Variants in ARHGAP31 observed in about 807,000 individuals in gnomAD.
ARHGAP31 encodes rho GTPase-activating protein 31.
In ARHGAP31, 34 loss-of-function variants were observed where a neutral mutation model predicts 113.9. That is an observed-to-expected ratio of 0.30 (90% confidence interval 0.23 to 0.40). The LOEUF is 0.40. ARHGAP31 is among the 10% of genes least tolerant of loss of function. The probability of loss-of-function intolerance (pLI) is 1.00; values close to 1 mark genes in which losing one functional copy is unlikely to be tolerated. For missense variants in ARHGAP31, 1,548 were observed against 1,767.1 expected (o/e 0.88, Z 2.22); for synonymous variants, 650 against 684.8 (o/e 0.95, Z 0.79).
chr3:119,401,453 C>T (rs754408297), intron 9 of ARHGAP31, among the ~76,000 whole-genome samples: 1 of 152,156 alleles, frequency 6.6e-6, no homozygotes, highest in Non-Finnish European at 1.5e-5. Flanking sequence ...AAACATCATC[C>T]TACCGCCTCC....
At chr3:119,311,729 T>G (rs967729239) in intron 1 of ARHGAP31, among the ~76,000 whole-genome samples, 6 of 152,186 alleles carry the variant, frequency 3.9e-5, no homozygotes, top group Non-Finnish European at 5.9e-5. Flanking sequence ...GCTGGGACAC[T>G]GGGAGGAACA....
intron 1 of ARHGAP31, among the ~76,000 whole-genome samples, chr3:119,345,441 T>C (rs1031834307): frequency 1.3e-5 from 2 of 152,170 alleles, no homozygotes; most frequent in Non-Finnish European, 2.9e-5. Context: ...GTCTCAGTGG[T>C]AGAAAGTGGC....
At position 119,415,949 on chromosome 3, in the gene ARHGAP31, G is replaced by A. The variant is rs2080772771; in HGVS notation, c.4020G>A (p.Arg1340=). 1 of 1,614,014 alleles carries A rather than the reference G, an allele frequency of 6.2e-7. No homozygotes were observed. The highest frequency in any genetic ancestry group is 1.7e-5 in the Admixed American group (1 of 60,000). The change falls in exon 12 of 12, where the codon AGG becomes AGA. Residue 1340 remains arginine (R), a synonymous_variant. Transcript: ENST00000264245. The stretch of plus-strand genomic sequence containing the variant: ...GTTCTAAGCCTTTCCACAGGTCAAG[G>A]CCAGGAAGACCTCAGAGCCTAATCT... ...SGGSKPFHRS[R]PGRPQSLILF...
At chr3:119,364,725 G>A (rs1470959364) in intron 1 of ARHGAP31, among the ~76,000 whole-genome samples, 1 of 152,168 alleles carries the variant, frequency 6.6e-6, no homozygotes, top group East Asian at 1.9e-4. Context: ...TGAAGAGACC[G>A]AGTTGTGGAA....
At position 119,368,338 on chromosome 3, in the gene ARHGAP31, T is replaced by C. The variant is rs1293615196; in HGVS notation, c.204-34T>C. On this transcript the variant is annotated intron_variant, in intron 2 of 11. Transcript: ENST00000264245. ...CTGCTGACATGGAACACACACTCCC[T>C]GGGATTGTTATGTCTCCGTCTGTGT... The C allele has an allele frequency of 1.9e-6, 3 of 1,613,422 alleles. No homozygotes were observed. The African/African-American group carries it at 4.0e-5, about 22-fold the overall frequency.
chr3:119,418,689 G>A lies in ARHGAP31; in HGVS notation c.*2425G>A, dbSNP rs943711423. On this transcript the variant is annotated 3_prime_UTR_variant, in exon 12 of 12. Coordinates refer to ENST00000264245, the MANE Select transcript of ARHGAP31 (RefSeq NM_020754.4). Reference sequence around the variant, plus strand: ...AGATGCCTGTGTGGATTTATAAAATGGTTGCAAGATCTTTTAGACTCTGAC... The same window carrying A: ...AGATGCCTGTGTGGATTTATAAAATAGTTGCAAGATCTTTTAGACTCTGAC... 1.3e-5 allele frequency: 2 copies of A among 152,160 alleles called. No individual in the cohort carries two copies. The highest frequency in any genetic ancestry group is 2.4e-5 in the African/African-American group (1 of 41,410). 9.4% of individuals were successfully genotyped at this position (152,160 alleles called of 1,614,324 possible). A position where few individuals can be genotyped will look rare whatever the true frequency, so the allele number is the denominator to read the frequency against.
At chr3:119,334,734 C>A (rs2079927678) in intron 1 of ARHGAP31, among the ~76,000 whole-genome samples, 1 of 152,210 alleles carries the variant, frequency 6.6e-6, no homozygotes, top group Non-Finnish European at 1.5e-5. Context: ...GACTCTGCAC[C>A]AAGCACTGCA....
chr3:119,402,601 T>C (rs1034238411), intron 10 of ARHGAP31, among the ~76,000 whole-genome samples: 7 of 152,264 alleles, frequency 4.6e-5, no homozygotes, highest in African/African-American at 1.7e-4. Flanking sequence ...TCTTAATCTG[T>C]AAAATGGGAA....
chr3:119,409,919 A>T, intron 11 of ARHGAP31, 143 bp downstream of exon 11: 4 of 866,516 alleles, frequency 4.6e-6, no homozygotes, highest in Non-Finnish European at 7.0e-6. Flanking sequence ...CAAACTTGTA[A>T]TGAAGGTCTG....
intron 1 of ARHGAP31, among the ~76,000 whole-genome samples, chr3:119,312,991 CAT>C (rs1255247930): frequency 5.3e-5 from 8 of 152,200 alleles, no homozygotes; most frequent in East Asian, 1.9e-4. Context: ...ATATCATACA[CAT>C]GTTCTGAAAT....
chr3:119,383,113 A>C lies in ARHGAP31; in HGVS notation c.569A>C (p.Asn190Thr). The C allele has an allele frequency of 1.2e-6, 2 of 1,614,204 alleles. No individual in the cohort carries two copies. The highest frequency in any genetic ancestry group is 1.7e-4 in the Middle Eastern group (1 of 6,048). ...RSKEIEATGC[N>T]GDAAFLAVRV... ...AAAGAAATTGAAGCCACTGGTTGCAATGGAGATGCAGCCTTCCTTGCAGTC... is the reference window on the plus strand; with the variant it reads ...AAAGAAATTGAAGCCACTGGTTGCACTGGAGATGCAGCCTTCCTTGCAGTC... Residue 190 changes from asparagine to threonine, a missense_variant, in exon 6 of 12, where the codon AAT becomes ACT. Asn to Thr is a moderately conservative substitution (Grantham distance 65, BLOSUM62 0). Coordinates refer to ENST00000264245, the MANE Select transcript of ARHGAP31 (RefSeq NM_020754.4).
chr3:119,341,329 C>T (rs746255218), intron 1 of ARHGAP31, among the ~76,000 whole-genome samples: 23 of 152,320 alleles, frequency 1.5e-4, no homozygotes, highest in South Asian at 8.3e-4. Context: ...GCTGGCGTTG[C>T]TGTTGCTGAT....
chr3:119,406,289 A>G (rs748024214), intron 10 of ARHGAP31, among the ~76,000 whole-genome samples: 48 of 151,812 alleles, frequency 3.2e-4, no homozygotes, highest in Admixed American at 8.5e-4. Context: ...GAAGCTCTAC[A>G]AAAAGGGACA....
intron 3 of ARHGAP31, among the ~76,000 whole-genome samples, chr3:119,373,791 T>G: frequency 6.6e-6 from 1 of 152,166 alleles, no homozygotes; most frequent in African/African-American, 2.4e-5. Flanking sequence ...AGTTTTCTGT[T>G]GGAAGTATAA....
rs374610079 is a variant in ARHGAP31, at chr3:119,419,855, G to GT, written c.*3594dup. 1 of 152,314 alleles carries GT rather than the reference G, an allele frequency of 6.6e-6. No homozygotes were observed. Among genetic ancestry groups the GT allele is most frequent in the East Asian group, 1.9e-4 (1 of 5,182 alleles). 9.4% of individuals were successfully genotyped at this position (152,314 alleles called of 1,614,324 possible). ...AGAATAGTGGCAACTAGGTTCGGAG[G>GT]TTTCGTGTGGTCATAATTGGTTTGG... On this transcript the variant is annotated 3_prime_UTR_variant, in exon 12 of 12. Coordinates refer to ENST00000264245, the MANE Select transcript of ARHGAP31 (RefSeq NM_020754.4).
At position 119,419,512 on chromosome 3, in the gene ARHGAP31, T is replaced by C. The variant is rs1203854058; in HGVS notation, c.*3248T>C. 6.6e-6 allele frequency: 1 copy of C among 152,132 alleles called. No individual in the cohort carries two copies. 9.4% of individuals were successfully genotyped at this position (152,132 alleles called of 1,614,324 possible). A position where few individuals can be genotyped will look rare whatever the true frequency, so the allele number is the denominator to read the frequency against. ...CAAATATTTATTGGGAGCTTAGTAA[T>C]AGTGCACTGGGTACCTTAGCACTCC... On this transcript the variant is annotated 3_prime_UTR_variant, in exon 12 of 12. Transcript: ENST00000264245.
chr3:119,363,852 C>T (rs1172220424), intron 1 of ARHGAP31, among the ~76,000 whole-genome samples: 1 of 152,086 alleles, frequency 6.6e-6, no homozygotes, highest in Non-Finnish European at 1.5e-5. Context: ...CACGGAGGTC[C>T]CACATCACTG....
At chr3:119,377,722 C>T (rs2080361110) in intron 3 of ARHGAP31, among the ~76,000 whole-genome samples, 1 of 150,958 alleles carries the variant, frequency 6.6e-6, no homozygotes, top group Non-Finnish European at 1.5e-5. Context: ...GGAAGGTTAA[C>T]TTTCCTTGTA....
In ARHGAP31 at chr3:119,414,425, C is replaced by A. The variant is rs1322050883; in HGVS notation, c.2496C>A (p.Ser832Arg). ...LKSQDSPEIS[S>R]LCQGEEATPR... ...CCCAAGACAGCCCTGAGATCTCTAG[C>A]CTCTGTCAGGGAGAGGAGGCAACCC... Residue 832 changes from serine to arginine, a missense_variant, in exon 12 of 12, where the codon AGC (serine) becomes AGA (arginine). By Grantham distance (110) the Ser-to-Arg change is moderately radical. Transcript: ENST00000264245. The A allele has an allele frequency of 6.2e-7, 1 of 1,614,234 alleles. No homozygotes were observed. Among genetic ancestry groups the A allele is most frequent in the South Asian group, 1.1e-5 (1 of 91,084 alleles).
Sources: gnomAD v4.1 joint callset for allele counts (sites outside exome capture counted in the v4.1 genomes callset) on GRCh38, gnomAD v4.1.1 for gene constraint, MANE v1.5 for transcripts, NCBI Gene and HGNC (gene_info 2026-07-23, HGNC 2026-07-21) for gene names.